Variants in MIR2052HG observed in about 807,000 individuals in gnomAD.
The protein encoded by MIR2052HG is MIR2052 host gene.
At chr8:74,732,184 A>G (rs1027615204) in intron 4 of MIR2052HG, among the ~76,000 whole-genome samples, 2 of 152,198 alleles carry the variant, frequency 1.3e-5, no homozygotes, top group African/African-American at 4.8e-5. Context: ...ATTAAAAAAT[A>G]CAGTATAACA....
intron 2 of MIR2052HG, among the ~76,000 whole-genome samples, chr8:74,682,992 A>G (rs923724574): frequency 6.6e-6 from 1 of 152,182 alleles, no homozygotes; most frequent in East Asian, 1.9e-4. Flanking sequence ...AGAAGTCTGT[A>G]TACAGTATGA....
At chr8:74,695,746 A>G (rs1422977982) in intron 2 of MIR2052HG, among the ~76,000 whole-genome samples, 1 of 152,154 alleles carries the variant, frequency 6.6e-6, no homozygotes, top group African/African-American at 2.4e-5. Flanking sequence ...AAGTCATTAT[A>G]TAATCACTAG....
intron 2 of MIR2052HG, among the ~76,000 whole-genome samples, chr8:74,699,333 C>T (rs1005838236): frequency 2.6e-5 from 4 of 151,644 alleles, no homozygotes; most frequent in African/African-American, 7.3e-5. Flanking sequence ...GCACAATTTG[C>T]AACTGCAAAA....
intron 4 of MIR2052HG, among the ~76,000 whole-genome samples, chr8:74,711,787 A>C (rs1321508898): frequency 2.6e-5 from 4 of 152,232 alleles, no homozygotes; most frequent in African/African-American, 9.6e-5. Context: ...CTTGCTTCAA[A>C]TTCAGAATGC....
chr8:74,692,396 GA>G (rs1264937857), intron 2 of MIR2052HG, among the ~76,000 whole-genome samples: 4 of 152,180 alleles, frequency 2.6e-5, no homozygotes, highest in Admixed American at 6.5e-5. Context: ...ATTCAGGGAA[GA>G]AATAATAAGC....
Position 74,733,602 on chromosome 8 carries a change from T to C in MIR2052HG, n.372-18839T>C, listed in dbSNP as rs567269808. 4.3e-3 allele frequency among the ~76,000 whole-genome samples: 615 copies of C among 143,954 alleles called. 4 individuals carry two copies. The highest frequency in any genetic ancestry group is 0.015 in the African/African-American group (558 of 38,138). The allele number at this position is 143,954 out of a possible 152,430, so 94.4% of individuals were successfully genotyped here. ...AGTCCTTTGGGTATATACCCAGTAA[T>C]GGGATGGCTGGGTCAAATGGTATTT... is the stretch of plus-strand genomic sequence containing the variant. On this transcript the variant is annotated intron_variant and non_coding_transcript_variant, in intron 4 of 6. Transcript: ENST00000523442.
chr8:74,632,392 A>C (rs956107489), intron 2 of MIR2052HG: 4 of 152,040 alleles, frequency 2.6e-5, no homozygotes, highest in African/African-American at 4.8e-5. Context: ...GTGGCCCCGC[A>C]GTTTCTTTCA....
At position 74,681,623 on chromosome 8, in the gene MIR2052HG, A is replaced by G. The variant is rs368653267; in HGVS notation, n.217-20756A>G. 1.1e-3 allele frequency among the ~76,000 whole-genome samples: 164 copies of G among 152,210 alleles called. No individual in the cohort carries two copies. In the Middle Eastern group the frequency reaches 0.024, roughly 22 times the overall value. The stretch of plus-strand genomic sequence containing the variant: ...CCCTAATTCATGAATTCATGCTATT[A>G]CCTCTTGGGAATGGGTTAGTTATCC... On this transcript the variant is annotated intron_variant and non_coding_transcript_variant, in intron 2 of 6. Transcript: ENST00000523442.
chr8:74,617,215 G>C (rs1422464920), intron 2 of MIR2052HG, among the ~76,000 whole-genome samples: 3 of 152,050 alleles, frequency 2.0e-5, no homozygotes, highest in Non-Finnish European at 4.4e-5. Context: ...GTACCCAAGA[G>C]GTAACTTTTT....
At chr8:74,751,120 G>A (rs760105508) in intron 4 of MIR2052HG, among the ~76,000 whole-genome samples, 9 of 152,182 alleles carry the variant, frequency 5.9e-5, no homozygotes, top group Non-Finnish European at 8.8e-5. Context: ...ACTTACGGTC[G>A]TTTGCGGTCA....
chr8:74,679,740 C>T (rs570960266), intron 2 of MIR2052HG, among the ~76,000 whole-genome samples: 7 of 151,886 alleles, frequency 4.6e-5, no homozygotes, highest in African/African-American at 1.4e-4. Context: ...TGGGGTTTCA[C>T]CATGTTCGCC....
intron 2 of MIR2052HG, among the ~76,000 whole-genome samples, chr8:74,661,776 G>C (rs532890973): frequency 2.6e-4 from 40 of 152,296 alleles, no homozygotes; most frequent in African/African-American, 8.9e-4. Flanking sequence ...GCTTGTGACT[G>C]AGAAACAGAG....
At chr8:74,641,945 C>T (rs1361767116) in intron 2 of MIR2052HG, among the ~76,000 whole-genome samples, 1 of 152,034 alleles carries the variant, frequency 6.6e-6, no homozygotes, top group Non-Finnish European at 1.5e-5. Context: ...TGCCTGGGCC[C>T]AGAAGGCATT....
intron 4 of MIR2052HG, among the ~76,000 whole-genome samples, chr8:74,709,896 T>G (rs1809449059): frequency 6.6e-6 from 1 of 152,116 alleles, no homozygotes. Context: ...TTATTGGCAG[T>G]GGTAAATAAT....
chr8:74,712,179 C>T (rs1809474759), intron 4 of MIR2052HG, among the ~76,000 whole-genome samples: 1 of 152,152 alleles, frequency 6.6e-6, no homozygotes, highest in Non-Finnish European at 1.5e-5. Flanking sequence ...GTAATACCCA[C>T]TGTGTAGAGT....
At position 74,666,777 on chromosome 8, in the gene MIR2052HG, T is replaced by C. The variant is rs567563943; in HGVS notation, n.217-35602T>C. 5.9e-5 allele frequency among the ~76,000 whole-genome samples: 9 copies of C among 152,336 alleles called. No individual in the cohort carries two copies. In the East Asian group the frequency reaches 1.7e-3, roughly 29 times the overall value. On this transcript the variant is annotated intron_variant and non_coding_transcript_variant, in intron 2 of 6. Transcript: ENST00000523442. ...GTGTAAGAAAGTGCCTCTTAATCCA[T>C]ATTCTTGGTCACAGTAGGTATAATG...
chr8:74,714,816 T>C (rs1809505099), intron 4 of MIR2052HG, among the ~76,000 whole-genome samples: 1 of 151,042 alleles, frequency 6.6e-6, no homozygotes, highest in Non-Finnish European at 1.5e-5. Flanking sequence ...GCAATTCTCC[T>C]GCCTCAGCCT....
intron 4 of MIR2052HG, among the ~76,000 whole-genome samples, chr8:74,731,944 T>G (rs1041673816): frequency 3.3e-5 from 5 of 152,168 alleles, no homozygotes; most frequent in African/African-American, 1.2e-4. Flanking sequence ...TCATATTACT[T>G]GGAAACTTAT....
chr8:74,621,600 C>T (rs1170183066), intron 2 of MIR2052HG, among the ~76,000 whole-genome samples: 1 of 152,170 alleles, frequency 6.6e-6, no homozygotes, highest in East Asian at 1.9e-4. Context: ...ACCATCAGAT[C>T]TTGTGAGACT....
Sources: allele counts gnomAD v4.1 joint callset (sites outside exome capture counted in the v4.1 genomes callset), GRCh38; gene constraint gnomAD v4.1.1; transcripts MANE v1.5; gene names NCBI Gene and HGNC (gene_info 2026-07-23, HGNC 2026-07-21).